Variants in CSMD1 observed in about 807,000 individuals in gnomAD.
CSMD1 encodes CUB and Sushi multiple domains 1, also known as CUB and sushi domain-containing protein 1.
In CSMD1, 213 loss-of-function variants were observed where a neutral mutation model predicts 417.5. That is an observed-to-expected ratio of 0.51 (90% confidence interval 0.46 to 0.57). The LOEUF (loss-of-function observed/expected upper bound fraction) is 0.57, where lower values mean the gene tolerates loss of function less well. CSMD1 is among the 20% of genes least tolerant of loss of function. CSMD1 has a pLI of 0.00. For synonymous variants in CSMD1, 2,862 were observed against 1,736.8 expected, an observed-to-expected ratio of 1.65 and a Z score of -16.11; for missense variants, 6,923 against 4,529.7, an observed-to-expected ratio of 1.53 and a Z score of -15.17.
chr8:2,979,373 G>A (rs113797678), intron 54 of CSMD1, among the ~76,000 whole-genome samples: 5 of 152,356 alleles, frequency 3.3e-5, no homozygotes, highest in African/African-American at 1.2e-4. Context: ...AAACAGGTCC[G>A]TGGTGAGGCA....
chr8:4,902,873 A>G (rs1004816062), intron 1 of CSMD1, among the ~76,000 whole-genome samples: 1 of 151,794 alleles, frequency 6.6e-6, no homozygotes, highest in Non-Finnish European at 1.5e-5. Context: ...TTTTCTATAC[A>G]TACATATGTA....
chr8:4,067,313 C>T lies in CSMD1; in HGVS notation c.416-35214G>A, dbSNP rs150382649. Among the ~76,000 whole-genome samples, 732 of 152,216 alleles carry T rather than the reference C, an allele frequency of 4.8e-3. 6 individuals are homozygous for T. Among genetic ancestry groups the T allele is most frequent in the South Asian group, 0.018 (87 of 4,824 alleles). ...TCAAATCTCCGCCATACTAAATTTT[C>T]GTTAAGTAACGTTTTCAAGTAAGGT... On this transcript the variant is annotated intron_variant, in intron 3 of 69. Transcript: ENST00000635120.
intron 2 of CSMD1, among the ~76,000 whole-genome samples, chr8:4,548,195 T>C (rs531390366): frequency 1.1e-4 from 16 of 152,184 alleles, no homozygotes; most frequent in Admixed American, 5.2e-4. Flanking sequence ...GGGCCTAACA[T>C]AGCGCCGTCA....
chr8:3,142,712 C>G, intron 40 of CSMD1, 38 bp from the exon 41 acceptor site: 1 of 1,493,466 alleles, frequency 6.7e-7, no homozygotes, highest in Non-Finnish European at 9.3e-7. Context: ...AAGTTCATAT[C>G]AAAATGTATA....
At chr8:3,793,111 G>C (rs1395307704) in intron 5 of CSMD1, among the ~76,000 whole-genome samples, 2 of 152,154 alleles carry the variant, frequency 1.3e-5, no homozygotes, top group Admixed American at 6.5e-5. Context: ...GTCTCGAGGA[G>C]GATACCCACA....
intron 4 of CSMD1, among the ~76,000 whole-genome samples, chr8:4,026,601 C>G (rs1227601826): frequency 2.6e-5 from 4 of 152,230 alleles, no homozygotes; most frequent in Non-Finnish European, 4.4e-5. Context: ...GACACTGCCA[C>G]TCACAGTTTT....
chr8:3,089,123 C>G (rs1814745943), intron 48 of CSMD1, among the ~76,000 whole-genome samples: 1 of 152,286 alleles, frequency 6.6e-6, no homozygotes, highest in South Asian at 2.1e-4. Context: ...GGAGCAGGGG[C>G]CCTGCCAGCC....
At chr8:3,245,343 G>A (rs1271969037) in intron 26 of CSMD1, among the ~76,000 whole-genome samples, 2 of 152,118 alleles carry the variant, frequency 1.3e-5, no homozygotes, top group Non-Finnish European at 2.9e-5. Flanking sequence ...AAGGGCATTT[G>A]CAAAACAAAA....
intron 1 of CSMD1, among the ~76,000 whole-genome samples, chr8:4,842,300 T>C (rs1406416103): frequency 6.6e-6 from 1 of 152,252 alleles, no homozygotes; most frequent in Non-Finnish European, 1.5e-5. Context: ...TGGCCTTCCA[T>C]TGGAAAAATT....
At chr8:4,160,374 A>T (rs2131093177) in intron 3 of CSMD1, among the ~76,000 whole-genome samples, 1 of 152,330 alleles carries the variant, frequency 6.6e-6, no homozygotes, top group South Asian at 2.1e-4. Flanking sequence ...CAACTTTGGA[A>T]ATTTGGTGTT....
chr8:4,195,363 T>A (rs1321906773), intron 3 of CSMD1, among the ~76,000 whole-genome samples: 2 of 152,154 alleles, frequency 1.3e-5, no homozygotes, highest in East Asian at 1.9e-4. Flanking sequence ...CCTAACAAAT[T>A]GGATCTTCTA....
At chr8:3,252,979 G>C (rs1329109892) in intron 26 of CSMD1, among the ~76,000 whole-genome samples, 1 of 152,100 alleles carries the variant, frequency 6.6e-6, no homozygotes, top group Non-Finnish European at 1.5e-5. Flanking sequence ...TTTGCTAGCA[G>C]TCTATCAATT....
chr8:4,661,611 C>T (rs1449866906), intron 1 of CSMD1, among the ~76,000 whole-genome samples: 2 of 152,070 alleles, frequency 1.3e-5, no homozygotes, highest in Non-Finnish European at 2.9e-5. Context: ...TATTTCCTGG[C>T]TTTGCAAGAT....
intron 1 of CSMD1, among the ~76,000 whole-genome samples, chr8:4,828,086 G>T (rs572429404): frequency 2.3e-4 from 35 of 152,112 alleles, no homozygotes; most frequent in African/African-American, 8.2e-4. Flanking sequence ...ATATTCTTCA[G>T]TCTTTTTTGA....
Position 4,231,381 on chromosome 8 carries a change from G to A in CSMD1, c.415+188572C>T, listed in dbSNP as rs1801718724. ...GCTGGATAATTTTCCTCCTCTGAGAGAATAGGAGCATATTTGTCTCACAAA... is the reference window on the plus strand; with the variant it reads ...GCTGGATAATTTTCCTCCTCTGAGAAAATAGGAGCATATTTGTCTCACAAA... On this transcript the variant is annotated intron_variant, in intron 3 of 69. Transcript: ENST00000635120. 2.0e-5 allele frequency among the ~76,000 whole-genome samples: 3 copies of A among 152,132 alleles called. 1 individual carries two copies. The South Asian group carries it at 6.2e-4, about 32-fold the overall frequency.
At chr8:4,365,717 T>G (rs1232656287) in intron 3 of CSMD1, among the ~76,000 whole-genome samples, 5 of 152,212 alleles carry the variant, frequency 3.3e-5, no homozygotes, top group Non-Finnish European at 7.3e-5. Context: ...TTCTGCCACG[T>G]GCTTTAGGCT....
intron 3 of CSMD1, among the ~76,000 whole-genome samples, chr8:4,276,313 T>A (rs61534638): frequency 6.6e-6 from 1 of 152,206 alleles, no homozygotes; most frequent in Non-Finnish European, 1.5e-5. Flanking sequence ...GATCAGTTAA[T>A]GTCCTTTGCA....
intron 7 of CSMD1, among the ~76,000 whole-genome samples, chr8:3,634,038 A>C (rs1034959197): frequency 6.6e-6 from 1 of 151,756 alleles, no homozygotes; most frequent in African/African-American, 2.4e-5. Context: ...TGTCAGTGAA[A>C]TAAAGGGCTG....
chr8:3,566,566 T>G (rs1246295387), intron 10 of CSMD1, among the ~76,000 whole-genome samples: 4 of 146,416 alleles, frequency 2.7e-5, no homozygotes, highest in African/African-American at 1.0e-4. Context: ...GAAGGTTTAT[T>G]GAAAAAGAAC....
Sources: allele counts gnomAD v4.1 joint callset (sites outside exome capture counted in the v4.1 genomes callset), GRCh38; gene constraint gnomAD v4.1.1; transcripts MANE v1.5; gene names NCBI Gene and HGNC (gene_info 2026-07-23, HGNC 2026-07-21).